Variants in LHFPL3 observed in about 807,000 individuals in gnomAD.
LHFPL3 encodes LHFPL tetraspan subfamily member 3, also known as LHFPL tetraspan subfamily member 3 protein.
A neutral mutation model predicts 19.3 loss-of-function variants in LHFPL3; 5 were observed. That is an observed-to-expected ratio of 0.26 (90% CI 0.14 to 0.54). The LOEUF (loss-of-function observed/expected upper bound fraction) is 0.54, where lower values mean the gene tolerates loss of function less well. LHFPL3 is among the 20% of genes least tolerant of loss of function. LHFPL3 has a pLI of 0.94. For missense variants in LHFPL3, 249 were observed against 307.4 expected (o/e 0.81, Z 1.42); for synonymous variants, 133 against 126.2 (o/e 1.05, Z -0.36).
chr7:104,829,480 A>T lies in LHFPL3; in HGVS notation c.683-76707A>T, dbSNP rs562264505. Among the ~76,000 whole-genome samples, 207 of 150,898 alleles carry T rather than the reference A, an allele frequency of 1.4e-3. 4 individuals are homozygous for T. Among genetic ancestry groups the T allele is most frequent in the Middle Eastern group, 3.4e-3 (1 of 294 alleles). The stretch of plus-strand genomic sequence containing the variant: ...TATCTCCTAATGCTATCCCTCCCCC[A>T]TCCCCCTACCCCACAACAGTCCCCG... On this transcript the variant is annotated intron_variant, in intron 2 of 2. Coordinates refer to ENST00000424859, the MANE Select transcript of LHFPL3 (RefSeq NM_199000.3).
At chr7:104,383,564 G>T (rs576929721) in intron 1 of LHFPL3, among the ~76,000 whole-genome samples, 5 of 152,282 alleles carry the variant, frequency 3.3e-5, no homozygotes, top group African/African-American at 9.6e-5. Context: ...TCTCTTTCAA[G>T]GTGATCCTAT....
At chr7:104,502,154 T>C (rs1793608077) in intron 1 of LHFPL3, among the ~76,000 whole-genome samples, 1 of 152,226 alleles carries the variant, frequency 6.6e-6, no homozygotes, top group Non-Finnish European at 1.5e-5. Context: ...TCAGATTTTT[T>C]TCACATCCAA....
intron 2 of LHFPL3, among the ~76,000 whole-genome samples, chr7:104,898,199 G>T (rs989530680): frequency 6.6e-6 from 1 of 151,488 alleles, no homozygotes; most frequent in African/African-American, 2.4e-5. Context: ...TTAGAGACAG[G>T]GTTTCAACAG....
intron 1 of LHFPL3, among the ~76,000 whole-genome samples, chr7:104,526,168 A>G (rs1584380958): frequency 6.6e-6 from 1 of 152,198 alleles, no homozygotes; most frequent in South Asian, 2.1e-4. Flanking sequence ...AATTCCCTCA[A>G]GTGTTTTTGA....
At chr7:104,680,981 T>C (rs1032602734) in intron 1 of LHFPL3, among the ~76,000 whole-genome samples, 1 of 152,206 alleles carries the variant, frequency 6.6e-6, no homozygotes, top group African/African-American at 2.4e-5. Context: ...CTTAAATTTA[T>C]AAAATATTCC....
intron 2 of LHFPL3, among the ~76,000 whole-genome samples, chr7:104,848,036 T>C (rs544107981): frequency 5.3e-5 from 8 of 152,326 alleles, no homozygotes; most frequent in African/African-American, 1.9e-4. Flanking sequence ...TCATTTCTTG[T>C]GTACTTCTTA....
intron 2 of LHFPL3, among the ~76,000 whole-genome samples, chr7:104,793,188 G>A (rs1790056852): frequency 6.6e-6 from 1 of 152,164 alleles, no homozygotes; most frequent in Admixed American, 6.5e-5. Flanking sequence ...GAGCCACCGC[G>A]CCTGGCCCTG....
intron 1 of LHFPL3, among the ~76,000 whole-genome samples, chr7:104,479,391 C>G (rs1793085921): frequency 9.3e-6 from 1 of 107,058 alleles, no homozygotes; most frequent in Non-Finnish European, 2.1e-5. Context: ...GTGCTTCTTC[C>G]ACTTCTTTTT....
intron 1 of LHFPL3, among the ~76,000 whole-genome samples, chr7:104,608,680 C>G (rs929487671): frequency 6.6e-6 from 1 of 151,966 alleles, no homozygotes; most frequent in Non-Finnish European, 1.5e-5. Context: ...AAAGGGGTGC[C>G]AAGCCTAAGA....
chr7:104,585,100 T>G (rs1790539369), intron 1 of LHFPL3, among the ~76,000 whole-genome samples: 1 of 152,090 alleles, frequency 6.6e-6, no homozygotes, highest in South Asian at 2.1e-4. Context: ...TCTGTCCTTC[T>G]CCCTACTCCC....
chr7:104,377,712 T>C (rs577408446), intron 1 of LHFPL3, among the ~76,000 whole-genome samples: 3 of 152,322 alleles, frequency 2.0e-5, no homozygotes, highest in African/African-American at 7.2e-5. Context: ...GCTTCACTTT[T>C]CACTCCTATC....
intron 1 of LHFPL3, among the ~76,000 whole-genome samples, chr7:104,443,834 G>A (rs1204991404): frequency 1.3e-5 from 2 of 152,222 alleles, no homozygotes; most frequent in Admixed American, 6.5e-5. Context: ...CAGAATGGTT[G>A]TATTATTTTT....
chr7:104,525,693 G>C lies in LHFPL3; in HGVS notation c.445+196469G>C, dbSNP rs143204447. On this transcript the variant is annotated intron_variant, in intron 1 of 2. Transcript: ENST00000424859. ...GTGATCTTGGCTCACTGCAACCTCC[G>C]CCTCCTGGGTTCAAGTGATTCTCCT... Among the ~76,000 whole-genome samples, 801 of 149,456 alleles carry C rather than the reference G, an allele frequency of 5.4e-3. 8 individuals carry two copies. The highest frequency in any genetic ancestry group is 0.042 in the East Asian group (212 of 4,992).
At chr7:104,787,370 G>A (rs953129457) in intron 2 of LHFPL3, among the ~76,000 whole-genome samples, 5 of 152,226 alleles carry the variant, frequency 3.3e-5, no homozygotes, top group East Asian at 3.9e-4. Flanking sequence ...TTCTTCAGGC[G>A]CCTGTAACAG....
intron 1 of LHFPL3, among the ~76,000 whole-genome samples, chr7:104,401,263 C>T (rs529203533): frequency 1.3e-5 from 2 of 152,204 alleles, no homozygotes; most frequent in South Asian, 2.1e-4. Flanking sequence ...TATAAGGCTC[C>T]ATGAGATTCT....
intron 2 of LHFPL3, among the ~76,000 whole-genome samples, chr7:104,744,753 A>G (rs1305821078): frequency 6.6e-6 from 1 of 152,160 alleles, no homozygotes; most frequent in Non-Finnish European, 1.5e-5. Context: ...ACAGTTAACT[A>G]CTGACCCCAT....
chr7:104,730,553 G>C (rs1793680370), intron 1 of LHFPL3, among the ~76,000 whole-genome samples: 1 of 152,108 alleles, frequency 6.6e-6, no homozygotes, highest in African/African-American at 2.4e-5. Context: ...CTTTTGAGAA[G>C]TGTCTGTTCA....
chr7:104,451,728 T>G (rs1215986411), intron 1 of LHFPL3, among the ~76,000 whole-genome samples: 1 of 152,108 alleles, frequency 6.6e-6, no homozygotes, highest in African/African-American at 2.4e-5. Flanking sequence ...TGTCTAAAAT[T>G]TTCTTTTTTT....
At position 104,461,457 on chromosome 7, in the gene LHFPL3, G is replaced by A. The variant is rs146017191; in HGVS notation, c.445+132233G>A. ...TTATCCCAGCACCAATTATTGAATA[G>A]TGAGTCCTTTCACCATTGCTTGTTT... On this transcript the variant is annotated intron_variant, in intron 1 of 2. Transcript: ENST00000424859. Among the ~76,000 whole-genome samples the A allele has an allele frequency of 4.3e-3, 658 of 152,320 alleles. 19 individuals carry two copies. Among genetic ancestry groups the A allele is most frequent in the Admixed American group, 0.04 (609 of 15,304 alleles).
Sources: allele counts gnomAD v4.1 joint callset (sites outside exome capture counted in the v4.1 genomes callset), GRCh38; gene constraint gnomAD v4.1.1; transcripts MANE v1.5; gene names NCBI Gene and HGNC (gene_info 2026-07-23, HGNC 2026-07-21).